Variants in WDFY2 observed in about 807,000 individuals in gnomAD.
WDFY2 encodes the protein WD repeat and FYVE domain-containing protein 2.
WDFY2 carries 36 observed loss-of-function variants against 56.4 expected under a neutral mutation model. The observed-to-expected ratio is 0.64, with a 90% CI of 0.49 to 0.84. WDFY2 has a LOEUF of 0.84. WDFY2 is among the 40% of genes least tolerant of loss of function. WDFY2 has a pLI of 0.00. For missense variants in WDFY2, 444 were observed against 512.2 expected (o/e 0.87, Z 1.29); for synonymous variants, 176 against 183.7 (o/e 0.96, Z 0.34).
chr13:51,636,834 C>T (rs775408662), intron 1 of WDFY2, among the ~76,000 whole-genome samples: 1 of 152,158 alleles, frequency 6.6e-6, no homozygotes, highest in African/African-American at 2.4e-5. Context: ...ACGGCAACTC[C>T]GTGGAGAAAG....
chr13:51,764,550 C>T lies in WDFY2; in HGVS notation c.*4781C>T, dbSNP rs1953686954. The T allele has an allele frequency of 6.5e-6, 1 of 152,672 alleles. No homozygotes were observed. Among genetic ancestry groups the T allele is most frequent in the Non-Finnish European group, 1.5e-5 (1 of 68,076 alleles). 9.5% of individuals were successfully genotyped at this position (152,672 alleles called of 1,614,324 possible). A position where few individuals can be genotyped will look rare whatever the true frequency, so the allele number is the denominator to read the frequency against. ...ACAGCCAAGTGGCTCAGCTGCCATC[C>T]CAGAATTGAGCTCGTCACTATCAGA... On this transcript the variant is annotated 3_prime_UTR_variant, in exon 12 of 12. Transcript: ENST00000298125.
intron 7 of WDFY2, among the ~76,000 whole-genome samples, chr13:51,750,792 T>C (rs919833134): frequency 6.4e-4 from 97 of 152,272 alleles, no homozygotes; most frequent in Non-Finnish European, 2.1e-4. Flanking sequence ...ATGGATTCAC[T>C]CTGGGAGCCA....
intron 6 of WDFY2, among the ~76,000 whole-genome samples, chr13:51,728,666 C>T (rs754834369): frequency 2.6e-5 from 4 of 151,998 alleles, no homozygotes; most frequent in Non-Finnish European, 5.9e-5. Context: ...AAATGGAATG[C>T]TAGAATAAGA....
At chr13:51,649,296 C>G (rs1472719992) in intron 1 of WDFY2, among the ~76,000 whole-genome samples, 2 of 152,008 alleles carry the variant, frequency 1.3e-5, no homozygotes, top group Non-Finnish European at 2.9e-5. Flanking sequence ...GAGGAAGAGG[C>G]AGGGAGAGAA....
intron 3 of WDFY2, among the ~76,000 whole-genome samples, chr13:51,681,314 T>C (rs1955972894): frequency 6.6e-6 from 1 of 152,208 alleles, no homozygotes; most frequent in South Asian, 2.1e-4. Context: ...TGATGTTGCT[T>C]CTGAAATTTT....
At chr13:51,589,550 G>T (rs997148873) in intron 1 of WDFY2, 1 of 152,126 alleles carries the variant, frequency 6.6e-6, no homozygotes, top group African/African-American at 2.4e-5. Flanking sequence ...CCATTAGTTT[G>T]ATAATTAGAC....
chr13:51,591,611 T>C (rs1325002850), intron 1 of WDFY2: 1 of 152,250 alleles, frequency 6.6e-6, no homozygotes, highest in Non-Finnish European at 1.5e-5. Context: ...TGGTATCCTC[T>C]TAATGTGACA....
intron 1 of WDFY2, among the ~76,000 whole-genome samples, chr13:51,602,808 G>A (rs1159542603): frequency 6.6e-6 from 1 of 152,214 alleles, no homozygotes; most frequent in Admixed American, 6.5e-5. Context: ...TTGGTTAGGG[G>A]AAATCCTTTG....
intron 4 of WDFY2, among the ~76,000 whole-genome samples, chr13:51,718,587 C>CAT (rs777029217): frequency 7.9e-5 from 12 of 151,812 alleles, no homozygotes; most frequent in Non-Finnish European, 1.5e-4. Flanking sequence ...CACACACACA[C>CAT]ACACACACAC....
chr13:51,691,815 C>G (rs1479045971), intron 3 of WDFY2, among the ~76,000 whole-genome samples: 2 of 151,942 alleles, frequency 1.3e-5, no homozygotes, highest in Non-Finnish European at 1.5e-5. Flanking sequence ...GATATTGATT[C>G]TTCCTACCCA....
At position 51,727,807 on chromosome 13, in the gene WDFY2, A is replaced by T; in HGVS notation, c.598+17A>T. On this transcript the variant is annotated intron_variant, in intron 6 of 11. Coordinates refer to ENST00000298125, the MANE Select transcript of WDFY2 (RefSeq NM_052950.4). ...GACACACAGGTAGGATTAACAGTAA[A>T]ATCGTCATGTGCTGATAGCACAGTG... 1.2e-6 allele frequency: 2 copies of T among 1,611,070 alleles called. No individual in the cohort carries two copies. The highest frequency in any genetic ancestry group is 1.7e-6 in the Non-Finnish European group (2 of 1,177,646).
At chr13:51,661,642 G>T (rs1228241913) in intron 2 of WDFY2, among the ~76,000 whole-genome samples, 1 of 152,152 alleles carries the variant, frequency 6.6e-6, no homozygotes, top group African/African-American at 2.4e-5. Context: ...AATTTTGCTT[G>T]TTTATAAACA....
rs1953654213 is a variant in WDFY2, at chr13:51,763,519, C to T, written c.*3750C>T. On this transcript the variant is annotated 3_prime_UTR_variant, in exon 12 of 12. Transcript: ENST00000298125. ...GAGATTCATTTTATAAAAGTAAAGG[C>T]CAGGTGCCATGGCTCACACCTATAA... 6.6e-6 allele frequency: 1 copy of T among 152,174 alleles called. No homozygotes were observed. Among genetic ancestry groups the T allele is most frequent in the Non-Finnish European group, 1.5e-5 (1 of 68,038 alleles). The allele number at this position is 152,174 out of a possible 1,614,324, so 9.4% of individuals were successfully genotyped here. A position where few individuals can be genotyped will look rare whatever the true frequency, so the allele number is the denominator to read the frequency against.
intron 4 of WDFY2, among the ~76,000 whole-genome samples, chr13:51,711,634 A>G (rs968437283): frequency 2.0e-5 from 3 of 152,264 alleles, no homozygotes; most frequent in African/African-American, 7.2e-5. Flanking sequence ...GGCAAAGGAT[A>G]TAAACAGACA....
chr13:51,690,248 G>A (rs1042576633), intron 3 of WDFY2, among the ~76,000 whole-genome samples: 16 of 150,438 alleles, frequency 1.1e-4, no homozygotes, highest in Non-Finnish European at 1.9e-4. Flanking sequence ...ACATTGTGCA[G>A]GTTAGTTACA....
intron 1 of WDFY2, among the ~76,000 whole-genome samples, chr13:51,601,995 C>G (rs528080957): frequency 6.6e-6 from 1 of 152,322 alleles, no homozygotes; most frequent in East Asian, 1.9e-4. Context: ...CAACTCCCTT[C>G]TTTACTTGCT....
At chr13:51,669,739 T>G (rs1320153858) in intron 2 of WDFY2, among the ~76,000 whole-genome samples, 1 of 152,168 alleles carries the variant, frequency 6.6e-6, no homozygotes, top group Non-Finnish European at 1.5e-5. Context: ...TTTCAGTTAT[T>G]GGGTTAGTAA....
At chr13:51,756,541 T>C in intron 10 of WDFY2, 79 bp downstream of exon 10, 1 of 1,507,666 alleles carries the variant, frequency 6.6e-7, no homozygotes. Flanking sequence ...GCCGCAACCA[T>C]CACTCAGGTT....
At chr13:51,685,376 C>T (rs188718407) in intron 3 of WDFY2, among the ~76,000 whole-genome samples, 21 of 152,306 alleles carry the variant, frequency 1.4e-4, no homozygotes, top group African/African-American at 5.1e-4. Flanking sequence ...CCCACCTCCC[C>T]TTCCAGTTGA....
Sources: gnomAD v4.1 joint callset for allele counts (sites outside exome capture counted in the v4.1 genomes callset) on GRCh38, gnomAD v4.1.1 for gene constraint, MANE v1.5 for transcripts, NCBI Gene and HGNC (gene_info 2026-07-23, HGNC 2026-07-21) for gene names.